The following FBN1 variants were observed in gnomAD, a reference collection of about 807,000 sequenced individuals.
FBN1 encodes fibrillin 1, also known as fibrillin-1.
Under a neutral mutation model 365.1 loss-of-function variants are expected in FBN1, and 29 were observed. The observed-to-expected ratio is 0.08, with a 90% CI of 0.06 to 0.11. The LOEUF is 0.11. FBN1 is among the 10% of genes least tolerant of loss of function. FBN1 has a pLI of 1.00. For missense variants in FBN1, 2,476 were observed against 3,703.2 expected, an observed-to-expected ratio of 0.67 and a Z score of 8.60; for synonymous variants, 1,210 against 1,270.5, an observed-to-expected ratio of 0.95 and a Z score of 1.01.
intron 40 of FBN1, among the ~76,000 whole-genome samples, chr15:48,464,674 T>C (rs2043306689): frequency 1.3e-5 from 2 of 152,136 alleles, no homozygotes; most frequent in Admixed American, 1.3e-4. Context: ...AAATATCAAA[T>C]ATCCCTTAGG....
rs531264662 is a variant in FBN1, at chr15:48,513,571, T to C, written c.1566A>G (p.Thr522=). ...TCQCRAGYQS[T]LTRTECRDID... ...TACCTCGGCATTCTGTCCGCGTGAG[T>C]GTGCTCTGATATCCAGCTCGGCACT... Residue 522 remains threonine, a synonymous_variant, in exon 13 of 66, where the codon ACA becomes ACG. Transcript: ENST00000316623. 10 of 1,614,010 alleles carry C rather than the reference T, an allele frequency of 6.2e-6. No homozygotes were observed. The East Asian group carries it at 1.6e-4, about 25-fold the overall frequency.
At chr15:48,485,580 AT>A (rs2043499901) in intron 29 of FBN1, 84 bp from the exon 30 acceptor site, 1 of 1,449,148 alleles carries the variant, frequency 6.9e-7, no homozygotes, top group Non-Finnish European at 9.6e-7. Context: ...TTTAACTGCC[AT>A]TGTAACACTA....
chr15:48,572,933 CCAAA>C (rs988293529), intron 6 of FBN1, among the ~76,000 whole-genome samples: 4 of 152,128 alleles, frequency 2.6e-5, no homozygotes, highest in Middle Eastern at 3.4e-3. Flanking sequence ...GCGAAGGGCT[CCAAA>C]CAGAGACAAG....
intron 9 of FBN1, among the ~76,000 whole-genome samples, chr15:48,525,419 T>C (rs765881603): frequency 6.6e-6 from 1 of 152,170 alleles, no homozygotes; most frequent in Non-Finnish European, 1.5e-5. Context: ...ATAGAACCCC[T>C]GATTTAATTG....
intron 6 of FBN1, among the ~76,000 whole-genome samples, chr15:48,556,013 G>C (rs1472053709): frequency 6.6e-6 from 1 of 152,154 alleles, no homozygotes; most frequent in Non-Finnish European, 1.5e-5. Context: ...TTCCAAAGTA[G>C]TAATATACCT....
At chr15:48,596,199 C>T in intron 6 of FBN1, 84 bp downstream of exon 6, 1 of 1,181,272 alleles carries the variant, frequency 8.5e-7, no homozygotes. Flanking sequence ...CAGGAAGTAG[C>T]CATGCAGACC....
intron 43 of FBN1, 127 bp from the exon 44 acceptor site, chr15:48,456,889 T>C: frequency 1.2e-6 from 1 of 829,682 alleles, no homozygotes; most frequent in Non-Finnish European, 1.9e-6. Flanking sequence ...TGTGTTGGGG[T>C]GGTGGTGATG....
chr15:48,624,229 T>C lies in FBN1; in HGVS notation c.165-11137A>G, dbSNP rs144006379. Among the ~76,000 whole-genome samples the C allele has an allele frequency of 1.1e-3, 175 of 152,338 alleles. 1 individual carries two copies. Among genetic ancestry groups the C allele is most frequent in the African/African-American group, 4.0e-3 (167 of 41,576 alleles). ...GCACAGATGTTTAAAGTACATCATGTGTGCAGCAAGTCAGCACTCTTCACT... is the reference window on the plus strand; with the variant it reads ...GCACAGATGTTTAAAGTACATCATGCGTGCAGCAAGTCAGCACTCTTCACT... On this transcript the variant is annotated intron_variant, in intron 2 of 65. Coordinates refer to ENST00000316623, the MANE Select transcript of FBN1 (RefSeq NM_000138.5).
intron 2 of FBN1, among the ~76,000 whole-genome samples, chr15:48,613,375 A>G (rs1446628112): frequency 6.6e-6 from 1 of 152,242 alleles, no homozygotes; most frequent in Non-Finnish European, 1.5e-5. Context: ...ATGAAGCCAT[A>G]CAAGTCTTAA....
At chr15:48,484,853 AG>A (rs1241459423) in intron 30 of FBN1, among the ~76,000 whole-genome samples, 2 of 152,232 alleles carry the variant, frequency 1.3e-5, no homozygotes, top group African/African-American at 4.8e-5. Context: ...TCTCGCAGCC[AG>A]GGTGATACAA....
chr15:48,563,560 A>G (rs999134258), intron 6 of FBN1, among the ~76,000 whole-genome samples: 3 of 152,206 alleles, frequency 2.0e-5, no homozygotes, highest in African/African-American at 7.2e-5. Flanking sequence ...ATAAAACAAA[A>G]TATTTTAAAA....
rs2044099011 is a variant in FBN1 at position 48,547,009 on chromosome 15, G to A, written c.539-9201C>T. Among the ~76,000 whole-genome samples, 3 of 152,108 alleles carry A rather than the reference G, an allele frequency of 2.0e-5. No individual in the cohort carries two copies. The South Asian group carries it at 6.2e-4, about 32-fold the overall frequency. ...TCCCATTCTCACAATAAGGTACCTG[G>A]TGTAGAACAGGTAACTTGAATTAGT... is the stretch of plus-strand genomic sequence containing the variant. On this transcript the variant is annotated intron_variant, in intron 6 of 65. Coordinates refer to ENST00000316623, the MANE Select transcript of FBN1 (RefSeq NM_000138.5).
At chr15:48,641,821 A>T (rs1158040489) in intron 2 of FBN1, 1 of 152,242 alleles carries the variant, frequency 6.6e-6, no homozygotes, top group East Asian at 1.9e-4. Flanking sequence ...GGCACCGTTA[A>T]AGGATTTATT....
At chr15:48,607,367 CAT>C (rs10587361) in intron 4 of FBN1, among the ~76,000 whole-genome samples, 20,220 of 146,168 alleles carry the variant, frequency 0.14, 3,870 homozygotes, top group African/African-American at 0.43. Context: ...CATACATATA[CAT>C]ATATATATAT....
At chr15:48,631,506 C>T (rs1298627699) in intron 2 of FBN1, among the ~76,000 whole-genome samples, 3 of 152,164 alleles carry the variant, frequency 2.0e-5, no homozygotes, top group African/African-American at 7.2e-5. Context: ...GTATCCCTTC[C>T]CCTTCTCTGC....
chr15:48,540,296 T>A (rs2044048047), intron 6 of FBN1, among the ~76,000 whole-genome samples: 1 of 152,186 alleles, frequency 6.6e-6, no homozygotes, highest in Non-Finnish European at 1.5e-5. Flanking sequence ...AAGAAACCCT[T>A]GATAACGTAT....
chr15:48,453,961 A>G (rs2141257545), intron 44 of FBN1, among the ~76,000 whole-genome samples: 1 of 152,352 alleles, frequency 6.6e-6, no homozygotes, highest in South Asian at 2.1e-4. Context: ...CACATCTAAA[A>G]AAAAGTCATG....
intron 24 of FBN1, among the ~76,000 whole-genome samples, chr15:48,490,296 T>A (rs1288213552): frequency 6.6e-6 from 1 of 152,196 alleles, no homozygotes; most frequent in African/African-American, 2.4e-5. Flanking sequence ...CACCTCCTAC[T>A]TCTGAAAAGT....
Position 48,508,560 on chromosome 15 carries a change from T to C in FBN1, c.1837+22A>G, listed in dbSNP as rs943967034. 3 of 1,613,568 alleles carry C rather than the reference T, an allele frequency of 1.9e-6. No homozygotes were observed. The African/African-American group carries it at 4.0e-5, about 22-fold the overall frequency. On this transcript the variant is annotated intron_variant, in intron 15 of 65. Coordinates refer to ENST00000316623, the MANE Select transcript of FBN1 (RefSeq NM_000138.5). ...GAGAAAAGGCACGTGAAGAACATGA[T>C]CTAGGGTTTTATAGCACGAACCTTT...
Sources: gnomAD v4.1 joint callset for allele counts (sites outside exome capture counted in the v4.1 genomes callset) on GRCh38, gnomAD v4.1.1 for gene constraint, MANE v1.5 for transcripts, NCBI Gene and HGNC (gene_info 2026-07-23, HGNC 2026-07-21) for gene names.